Variants in GNL3L observed in about 807,000 individuals in gnomAD.
The protein encoded by GNL3L is G protein nucleolar 3 like.
GNL3L carries 4 observed loss-of-function variants against 42.9 expected under a neutral mutation model. The ratio of observed to expected loss-of-function variants is 0.09; its 90% CI spans 0.05 to 0.21. GNL3L has a LOEUF of 0.21. Among genes scored for constraint, GNL3L ranks in the 10% least tolerant of loss-of-function variants. The pLI is 1.00. For missense variants in GNL3L, 412 were observed against 481.7 expected (o/e 0.86, Z 1.36); for synonymous variants, 159 against 176.3 (o/e 0.90, Z 0.78).
At chrX:54,607,907 A>G (rs1926116966) in intron 16 of GNL3L, among the ~76,000 whole-genome samples, 1 of 112,374 alleles carries the variant, frequency 8.9e-6, no homozygotes, top group African/African-American at 3.2e-5. Context: ...TATTTAGACA[A>G]TGAAGCACAT....
the GNL3L span, among the ~76,000 whole-genome samples, chrX:54,644,408 A>G: frequency 1.8e-5 from 2 of 112,396 alleles, no homozygotes; most frequent in Non-Finnish European, 1.9e-5. Flanking sequence ...TCAGTTTTAC[A>G]GTTAAATCTT....
intron 2 of GNL3L, among the ~76,000 whole-genome samples, chrX:54,537,866 C>G (rs1924488620): frequency 9.0e-6 from 1 of 110,980 alleles, no homozygotes; most frequent in South Asian, 3.8e-4. Context: ...ACCTTAACCT[C>G]TCATGTAGCT....
chrX:54,591,482 A>C (rs909816576), intron 16 of GNL3L, among the ~76,000 whole-genome samples: 4 of 108,662 alleles, frequency 3.7e-5, no homozygotes, highest in Non-Finnish European at 7.6e-5. Flanking sequence ...AGTCCTAGCT[A>C]CTCAGGAGGC....
chrX:54,578,940 T>A (rs1925669739), intron 16 of GNL3L, among the ~76,000 whole-genome samples: 1 of 112,397 alleles, frequency 8.9e-6, no homozygotes, highest in South Asian at 3.6e-4. Flanking sequence ...AGTATCTTAT[T>A]GTGGTTTGAA....
the GNL3L span, among the ~76,000 whole-genome samples, chrX:54,632,780 T>C: frequency 1.3e-3 from 147 of 112,225 alleles, 1 homozygote; most frequent in Non-Finnish European, 2.1e-3. Flanking sequence ...AGAGATTTCT[T>C]CTTGGTTTTG....
At chrX:54,640,035 C>T in the GNL3L span, among the ~76,000 whole-genome samples, 1 of 110,018 alleles carries the variant, frequency 9.1e-6, no homozygotes, top group African/African-American at 3.3e-5. Context: ...CGAGTGGCCG[C>T]CAGGGGGTGA....
At chrX:54,557,704 G>A (rs1375344035) in intron 14 of GNL3L, among the ~76,000 whole-genome samples, 1 of 111,068 alleles carries the variant, frequency 9.0e-6, no homozygotes, top group Non-Finnish European at 1.9e-5. Flanking sequence ...AAAGTGCTAG[G>A]ATTACAGGAG....
At chrX:54,590,195 C>T (rs1055754608) in intron 16 of GNL3L, among the ~76,000 whole-genome samples, 15 of 111,977 alleles carry the variant, frequency 1.3e-4, no homozygotes, top group African/African-American at 4.9e-4. Flanking sequence ...GCCTCGGCCT[C>T]CCAAAGTGCT....
At chrX:54,604,970 A>C in intron 16 of GNL3L, among the ~76,000 whole-genome samples, 1 of 111,564 alleles carries the variant, frequency 9.0e-6, no homozygotes, top group Non-Finnish European at 1.9e-5. Context: ...TGGGCTCATT[A>C]ACTGCCTGGT....
intron 16 of GNL3L, among the ~76,000 whole-genome samples, chrX:54,585,249 C>CT (rs762761443): frequency 9.0e-6 from 1 of 111,364 alleles, no homozygotes; most frequent in Non-Finnish European, 1.9e-5. Context: ...CCTTATCTGG[C>CT]TTTTTATTGG....
chrX:54,611,690 A>C (rs1053284803), intron 16 of GNL3L, among the ~76,000 whole-genome samples: 1 of 111,870 alleles, frequency 8.9e-6, no homozygotes, highest in African/African-American at 3.2e-5. Flanking sequence ...TTCCAGTTTC[A>C]TTCCACTGTG....
chrX:54,543,435 T>C, intron 7 of GNL3L, 93 bp downstream of exon 7: 1 of 902,970 alleles, frequency 1.1e-6, no homozygotes, highest in Non-Finnish European at 1.6e-6. Context: ...AGCAACTCAG[T>C]GATACTCATA....
intron 16 of GNL3L, among the ~76,000 whole-genome samples, chrX:54,594,146 A>AT (rs200661591): frequency 0.012 from 1,289 of 111,026 alleles, 14 homozygotes; most frequent in African/African-American, 0.038. Flanking sequence ...ATTAAGTCTG[A>AT]TTTTTTTTGG....
At chrX:54,645,768 C>A in the GNL3L span, among the ~76,000 whole-genome samples, 9 of 111,751 alleles carry the variant, frequency 8.1e-5, no homozygotes, top group African/African-American at 2.6e-4. Context: ...TCCATCCCTT[C>A]CATGTTTCTT....
intron 2 of GNL3L, among the ~76,000 whole-genome samples, chrX:54,535,684 T>C (rs1778035445): frequency 1.8e-5 from 2 of 112,068 alleles, no homozygotes; most frequent in Non-Finnish European, 3.8e-5. Context: ...CATTACTTGA[T>C]TCCTGGATTT....
At chrX:54,538,423 C>A (rs946240157) in intron 2 of GNL3L, among the ~76,000 whole-genome samples, 6 of 111,903 alleles carry the variant, frequency 5.4e-5, no homozygotes, top group Admixed American at 9.6e-5. Context: ...TCCCAATAGG[C>A]CAACTGTGAA....
intron 4 of GNL3L, among the ~76,000 whole-genome samples, chrX:54,540,967 T>A (rs1405098873): frequency 8.9e-6 from 1 of 111,973 alleles, no homozygotes; most frequent in Non-Finnish European, 1.9e-5. Context: ...TTCTTCCTTA[T>A]CTTTAAATGA....
chrX:54,559,471 C>G (rs773205218), intron 15 of GNL3L, among the ~76,000 whole-genome samples: 4 of 111,739 alleles, frequency 3.6e-5, no homozygotes, highest in African/African-American at 6.5e-5. Context: ...TCTATATATT[C>G]TTTGTTCTCT....
downstream of GNL3L, among the ~76,000 whole-genome samples, chrX:54,571,888 C>G (rs369762095): frequency 1.8e-5 from 2 of 109,522 alleles, no homozygotes; most frequent in East Asian, 2.8e-4. Flanking sequence ...CTCCAGTTAC[C>G]TATTTTAAGC....
Sources: allele counts gnomAD v4.1 joint callset (sites outside exome capture counted in the v4.1 genomes callset), GRCh38; gene constraint gnomAD v4.1.1; transcripts MANE v1.5; gene names NCBI Gene and HGNC (gene_info 2026-07-23, HGNC 2026-07-21).